The following SEC22A variants were observed in gnomAD, a reference collection of about 807,000 sequenced individuals.
SEC22A encodes the protein vesicle-trafficking protein SEC22a.
SEC22A carries 22 observed loss-of-function variants against 35.3 expected under a neutral mutation model. The observed-to-expected ratio is 0.62, with a 90% CI of 0.45 to 0.89. The LOEUF (loss-of-function observed/expected upper bound fraction) is 0.89. Ranked by LOEUF, SEC22A falls within the 40% of genes least tolerant of loss-of-function variation. The pLI is 0.00. For missense variants in SEC22A, 354 were observed against 362.5 expected (o/e 0.98, Z 0.19); for synonymous variants, 119 against 129.5 (o/e 0.92, Z 0.55).
chr3:123,266,321 T>C (rs1938025627), intron 6 of SEC22A, among the ~76,000 whole-genome samples: 2 of 152,138 alleles, frequency 1.3e-5, no homozygotes, highest in South Asian at 4.1e-4. Flanking sequence ...TTTTCTTCCA[T>C]ATGCCTGCTT....
intron 6 of SEC22A, among the ~76,000 whole-genome samples, chr3:123,262,392 T>C (rs1209445476): frequency 6.6e-6 from 1 of 152,226 alleles, no homozygotes; most frequent in African/African-American, 2.4e-5. Context: ...GAGTCATCAA[T>C]TGTTAACATC....
chr3:123,219,860 A>T (rs1217417906), intron 2 of SEC22A, among the ~76,000 whole-genome samples: 1 of 152,206 alleles, frequency 6.6e-6, no homozygotes, highest in East Asian at 1.9e-4. Flanking sequence ...AATCTGTCCC[A>T]TGATTGTTGA....
chr3:123,258,719 G>GT (rs1937801297), intron 5 of SEC22A, among the ~76,000 whole-genome samples: 2 of 144,014 alleles, frequency 1.4e-5, no homozygotes, highest in African/African-American at 5.2e-5. Flanking sequence ...TGTATAAAGA[G>GT]GTTTTTTTTT....
In SEC22A at chr3:123,223,742, T is replaced by C; in HGVS notation, c.346+20T>C. ...AATTTGGTAAGGGCCTGATTTTTTT[T>C]TCCTTTTTATTCTGTCTGCATCCAA... On this transcript the variant is annotated intron_variant, in intron 3 of 6. Transcript: ENST00000492595. The C allele has an allele frequency of 6.3e-7, 1 of 1,587,162 alleles. No homozygotes were observed. The highest frequency in any genetic ancestry group is 8.6e-7 in the Non-Finnish European group (1 of 1,161,572).
intron 4 of SEC22A, among the ~76,000 whole-genome samples, chr3:123,236,150 GA>G (rs1294431374): frequency 2.0e-5 from 3 of 152,084 alleles, no homozygotes; most frequent in Non-Finnish European, 4.4e-5. Flanking sequence ...CTGAGTATAC[GA>G]AAAACTCCTG....
At chr3:123,234,616 G>A (rs972171079) in intron 4 of SEC22A, among the ~76,000 whole-genome samples, 3 of 146,804 alleles carry the variant, frequency 2.0e-5, no homozygotes, top group African/African-American at 2.5e-5. Context: ...TAATTAAAAT[G>A]TATCAAAAAC....
chr3:123,245,915 A>G lies in SEC22A; in HGVS notation c.558A>G (p.Glu186=). 1 of 1,606,184 alleles carries G rather than the reference A, an allele frequency of 6.2e-7. No individual in the cohort carries two copies. Among genetic ancestry groups the G allele is most frequent in the Non-Finnish European group, 8.5e-7 (1 of 1,173,888 alleles). The change falls in exon 5 of 7, where the codon GAA becomes GAG. Residue 186 remains glutamate (E), a synonymous_variant. Coordinates refer to ENST00000492595, the MANE Select transcript of SEC22A (RefSeq NM_012430.5). ...ATTTTCCAGCTCACCAGCGACTGGA[A>G]CCAGCAACTCTGTCAGGGATTGTAG... is the stretch of plus-strand genomic sequence containing the variant. ...GKISSAHQRL[E]PATLSGIVGF...
At position 123,273,964 on chromosome 3, in the gene SEC22A, A is replaced by G. The variant is rs1438635042; in HGVS notation, c.*2242A>G. The G allele has an allele frequency of 6.6e-6, 1 of 152,194 alleles. No homozygotes were observed. Among genetic ancestry groups the G allele is most frequent in the African/African-American group, 2.4e-5 (1 of 41,442 alleles). 9.4% of individuals were successfully genotyped at this position (152,194 alleles called of 1,614,324 possible). ...CTTGTCATTGAATTGACGAGTTACA[A>G]TGTTTGGTATTCGGATACATTCAGC... is the stretch of plus-strand genomic sequence containing the variant. On this transcript the variant is annotated 3_prime_UTR_variant, in exon 7 of 7. Coordinates refer to ENST00000492595, the MANE Select transcript of SEC22A (RefSeq NM_012430.5).
intron 5 of SEC22A, among the ~76,000 whole-genome samples, chr3:123,254,039 A>G (rs1272062158): frequency 6.6e-6 from 1 of 152,130 alleles, no homozygotes; most frequent in African/African-American, 2.4e-5. Flanking sequence ...ATTATCACCA[A>G]ATTTTCATAC....
At chr3:123,246,822 TA>T (rs1162201944) in intron 5 of SEC22A, among the ~76,000 whole-genome samples, 1 of 152,228 alleles carries the variant, frequency 6.6e-6, no homozygotes, top group Admixed American at 6.5e-5. Flanking sequence ...ATACCATTTG[TA>T]AAAATCCACT....
At chr3:123,224,276 A>AAC (rs1553709754) in intron 3 of SEC22A, among the ~76,000 whole-genome samples, 4 of 152,032 alleles carry the variant, frequency 2.6e-5, no homozygotes, top group African/African-American at 9.7e-5. Flanking sequence ...AAAAAAAAAA[A>AAC]CACCATGTTG....
chr3:123,250,278 C>A (rs775555219), intron 5 of SEC22A, among the ~76,000 whole-genome samples: 1 of 152,046 alleles, frequency 6.6e-6, no homozygotes, highest in African/African-American at 2.4e-5. Flanking sequence ...GGTGTGGTGG[C>A]GCACGCCTAT....
intron 6 of SEC22A, among the ~76,000 whole-genome samples, chr3:123,260,080 C>T (rs1436964649): frequency 2.3e-5 from 3 of 129,080 alleles, no homozygotes; most frequent in Non-Finnish European, 4.7e-5. Flanking sequence ...TGCAGTGAGC[C>T]AAGATCGCGC....
chr3:123,217,404 G>A (rs1937049519), intron 2 of SEC22A, among the ~76,000 whole-genome samples: 1 of 151,390 alleles, frequency 6.6e-6, no homozygotes, highest in Admixed American at 6.6e-5. Context: ...TAGTGGAGAT[G>A]GGGTTTCACC....
intron 1 of SEC22A, among the ~76,000 whole-genome samples, chr3:123,204,965 A>G (rs562357991): frequency 2.0e-4 from 31 of 152,226 alleles, no homozygotes; most frequent in Non-Finnish European, 4.0e-4. Flanking sequence ...ACCCTCCTTA[A>G]GACCTTAAAG....
chr3:123,258,309 A>T (rs549876385), intron 5 of SEC22A, among the ~76,000 whole-genome samples: 13 of 152,264 alleles, frequency 8.5e-5, no homozygotes, highest in African/African-American at 3.1e-4. Flanking sequence ...ATTTTCCCAG[A>T]GTTGTGGCAT....
intron 2 of SEC22A, among the ~76,000 whole-genome samples, chr3:123,214,246 CT>C (rs1384112133): frequency 2.6e-5 from 4 of 152,002 alleles, no homozygotes; most frequent in Non-Finnish European, 4.4e-5. Flanking sequence ...GAGAAAATTC[CT>C]TTAGTTTTCT....
At chr3:123,269,179 ATGTGTGTG>A (rs200267944) in intron 6 of SEC22A, among the ~76,000 whole-genome samples, 18 of 120,736 alleles carry the variant, frequency 1.5e-4, no homozygotes, top group African/African-American at 5.6e-4. Context: ...AATTAAATAT[ATGTGTGTG>A]TGTGTGTGTG....
At chr3:123,237,890 G>A (rs1052593540) in intron 4 of SEC22A, among the ~76,000 whole-genome samples, 2 of 152,132 alleles carry the variant, frequency 1.3e-5, no homozygotes, top group Admixed American at 6.6e-5. Flanking sequence ...AGTGGTTCAC[G>A]CCTGTAATCC....
Sources: gnomAD v4.1 joint callset for allele counts (sites outside exome capture counted in the v4.1 genomes callset) on GRCh38, gnomAD v4.1.1 for gene constraint, MANE v1.5 for transcripts, NCBI Gene and HGNC (gene_info 2026-07-23, HGNC 2026-07-21) for gene names.